The following FYN variants were observed in gnomAD, a reference collection of about 807,000 sequenced individuals.
The protein encoded by FYN is FYN proto-oncogene, Src family tyrosine kinase.
A neutral mutation model predicts 70.2 loss-of-function variants in FYN; 10 were observed. The observed-to-expected ratio is 0.14, with a 90% CI of 0.09 to 0.24. FYN has a LOEUF of 0.24. Ranked by LOEUF, FYN falls within the 10% of genes least tolerant of loss-of-function variation. The pLI is 1.00. For synonymous variants in FYN, 236 were observed against 248.6 expected (o/e 0.95, Z 0.48); for missense variants, 319 against 673.1 (o/e 0.47, Z 5.82).
chr6:111,780,774 GT>G (rs1489740763), intron 2 of FYN, 139 bp from the exon 3 acceptor site: 2 of 152,122 alleles, frequency 1.3e-5, no homozygotes, highest in African/African-American at 2.4e-5. Context: ...CCACCTACCA[GT>G]TTCCTCTGTT....
intron 2 of FYN, among the ~76,000 whole-genome samples, chr6:111,812,328 C>T (rs565457629): frequency 4.6e-5 from 7 of 152,222 alleles, no homozygotes; most frequent in South Asian, 2.1e-4. Flanking sequence ...GGCAAAACCT[C>T]GGGACTCTTT....
intron 3 of FYN, among the ~76,000 whole-genome samples, chr6:111,748,044 G>T (rs776034504): frequency 2.6e-5 from 4 of 152,204 alleles, no homozygotes; most frequent in Non-Finnish European, 5.9e-5. Flanking sequence ...GCAAGATGAA[G>T]ACATAGAAAG....
chr6:111,765,487 G>T (rs1445799828), intron 3 of FYN, among the ~76,000 whole-genome samples: 2 of 152,136 alleles, frequency 1.3e-5, no homozygotes, highest in Non-Finnish European at 2.9e-5. Context: ...CATGAACTTG[G>T]ACTTTCAGTC....
chr6:111,731,140 G>A (rs944868491), intron 3 of FYN, among the ~76,000 whole-genome samples: 9 of 152,330 alleles, frequency 5.9e-5, no homozygotes, highest in African/African-American at 1.9e-4. Flanking sequence ...ACTCTCCAAG[G>A]CCGAACAAAA....
At chr6:111,835,937 T>A (rs943276329) in intron 2 of FYN, among the ~76,000 whole-genome samples, 1 of 151,820 alleles carries the variant, frequency 6.6e-6, no homozygotes, top group Non-Finnish European at 1.5e-5. Flanking sequence ...ACAAGAAAAG[T>A]AAGGACAGGT....
chr6:111,724,698 G>T (rs1488228571), intron 3 of FYN, among the ~76,000 whole-genome samples: 1 of 152,150 alleles, frequency 6.6e-6, no homozygotes, highest in Non-Finnish European at 1.5e-5. Flanking sequence ...TTAATTTCAG[G>T]GGTGTATGCT....
chr6:111,757,554 T>C (rs1274845033), intron 3 of FYN, among the ~76,000 whole-genome samples: 1 of 152,196 alleles, frequency 6.6e-6, no homozygotes, highest in East Asian at 1.9e-4. Flanking sequence ...AGGAAAAATA[T>C]GGCTGATACC....
chr6:111,823,275 T>C (rs937414941), intron 2 of FYN, among the ~76,000 whole-genome samples: 1 of 152,128 alleles, frequency 6.6e-6, no homozygotes, highest in African/African-American at 2.4e-5. Flanking sequence ...ACTACACAGC[T>C]CCAGCCCCAG....
At chr6:111,787,440 C>T (rs898654706) in intron 2 of FYN, among the ~76,000 whole-genome samples, 3 of 152,110 alleles carry the variant, frequency 2.0e-5, no homozygotes, top group African/African-American at 7.2e-5. Context: ...TGTTTTGGTA[C>T]CAGTACCATG....
At chr6:111,674,687 G>T (rs1415428071) in intron 12 of FYN, 57 bp from the exon 13 acceptor site, 2 of 1,564,596 alleles carry the variant, frequency 1.3e-6, no homozygotes, top group East Asian at 2.3e-5. Context: ...TGGGCATGGG[G>T]TGTGGGAGGG....
intron 3 of FYN, among the ~76,000 whole-genome samples, chr6:111,748,423 G>A (rs1802333272): frequency 6.6e-6 from 1 of 152,224 alleles, no homozygotes; most frequent in Non-Finnish European, 1.5e-5. Context: ...GTTTTCAACA[G>A]ACACACTCAT....
chr6:111,864,689 G>A (rs374871632), intron 1 of FYN, among the ~76,000 whole-genome samples: 26 of 152,262 alleles, frequency 1.7e-4, no homozygotes, highest in African/African-American at 6.3e-4. Flanking sequence ...GTGGGTAAAG[G>A]TGCCTCTGCA....
At chr6:111,693,630 A>C (rs1032113354) in intron 12 of FYN, among the ~76,000 whole-genome samples, 1 of 152,118 alleles carries the variant, frequency 6.6e-6, no homozygotes, top group African/African-American at 2.4e-5. Flanking sequence ...ATTTTTGCAG[A>C]GGGTGGGATG....
chr6:111,872,328 A>G (rs1176182191), intron 1 of FYN, among the ~76,000 whole-genome samples: 1 of 142,110 alleles, frequency 7.0e-6, no homozygotes, highest in Non-Finnish European at 1.5e-5. Context: ...GAAGGAGAAA[A>G]GAGCTGGAGG....
chr6:111,851,718 G>A (rs1463423219), intron 1 of FYN, among the ~76,000 whole-genome samples: 1 of 152,052 alleles, frequency 6.6e-6, no homozygotes, highest in Non-Finnish European at 1.5e-5. Flanking sequence ...GGTGTGGCAA[G>A]GGTCACATAT....
chr6:111,840,561 C>G lies in FYN; in HGVS notation c.-82+6028G>C, dbSNP rs527584151. 7.9e-5 allele frequency among the ~76,000 whole-genome samples: 12 copies of G among 152,290 alleles called. No individual in the cohort carries two copies. In the South Asian group the frequency reaches 1.5e-3, roughly 18 times the overall value. On this transcript the variant is annotated intron_variant, in intron 2 of 13. Transcript: ENST00000354650. ...ATAAATCTCTGTTGTTTTTAGCCAT[C>G]AAGTTTGTGGTAATTTGTGACGGCA...
At chr6:111,773,070 T>C (rs976641805) in intron 3 of FYN, among the ~76,000 whole-genome samples, 2 of 150,734 alleles carry the variant, frequency 1.3e-5, no homozygotes, top group Non-Finnish European at 3.0e-5. Flanking sequence ...TTTAAATGGT[T>C]CAGCAAAATT....
At chr6:111,846,973 C>T (rs1773549161) in intron 1 of FYN, among the ~76,000 whole-genome samples, 1 of 152,126 alleles carries the variant, frequency 6.6e-6, no homozygotes, top group South Asian at 2.1e-4. Flanking sequence ...AGAGTCTCTA[C>T]AAGTCATCAA....
chr6:111,792,173 C>A (rs1366730775), intron 2 of FYN, among the ~76,000 whole-genome samples: 1 of 152,066 alleles, frequency 6.6e-6, no homozygotes, highest in Admixed American at 6.6e-5. Context: ...GGCAGACAAT[C>A]CAATAAAGAA....
Sources: gnomAD v4.1 joint callset for allele counts (sites outside exome capture counted in the v4.1 genomes callset) on GRCh38, gnomAD v4.1.1 for gene constraint, MANE v1.5 for transcripts, NCBI Gene and HGNC (gene_info 2026-07-23, HGNC 2026-07-21) for gene names.